DCP2: variants seen among roughly 807,000 people sequenced by gnomAD.
DCP2 encodes the protein decapping mRNA 2.
Under a neutral mutation model 56.1 loss-of-function variants are expected in DCP2, and 30 were observed. That is an observed-to-expected ratio of 0.53 (90% CI 0.40 to 0.73). The LOEUF is 0.73. Ranked by LOEUF, DCP2 falls within the 30% of genes least tolerant of loss-of-function variation. The pLI is 0.00. For missense variants in DCP2, 533 were observed against 502.7 expected, an observed-to-expected ratio of 1.06 and a Z score of -0.58; for synonymous variants, 197 against 163.3, an observed-to-expected ratio of 1.21 and a Z score of -1.57.
intron 1 of DCP2, among the ~76,000 whole-genome samples, chr5:112,977,218 C>G (rs1007268632): frequency 1.3e-5 from 2 of 152,190 alleles, no homozygotes; most frequent in African/African-American, 2.4e-5. Flanking sequence ...CCCGGAATTT[C>G]CTCATTTTTT....
rs1397470005 is a variant in DCP2, at chr5:113,021,068, A to G, written c.*7584A>G. The G allele has an allele frequency of 1.3e-5, 2 of 152,186 alleles. No homozygotes were observed. Among genetic ancestry groups the G allele is most frequent in the African/African-American group, 2.4e-5 (1 of 41,442 alleles). 9.4% of individuals were successfully genotyped at this position (152,186 alleles called of 1,614,324 possible). On this transcript the variant is annotated 3_prime_UTR_variant, in exon 11 of 11. Transcript: ENST00000389063. ...TAAAAATGGCAAGTATGAGATGAAC[A>G]TGATAAAAGTATGTTTATATAACAG...
intron 8 of DCP2, among the ~76,000 whole-genome samples, chr5:113,005,322 CACAACAAT>C (rs1561701699): frequency 6.6e-6 from 1 of 152,110 alleles, no homozygotes; most frequent in East Asian, 1.9e-4. Flanking sequence ...TCAACAACAA[CACAACAAT>C]CTAATTTAAA....
chr5:112,983,071 C>G (rs1748085321), intron 1 of DCP2, among the ~76,000 whole-genome samples: 1 of 152,316 alleles, frequency 6.6e-6, no homozygotes. Context: ...AAGGATTTCA[C>G]AGGTCTTAAA....
chr5:112,998,958 A>G (rs902470960), intron 4 of DCP2, among the ~76,000 whole-genome samples: 2 of 152,232 alleles, frequency 1.3e-5, no homozygotes, highest in African/African-American at 4.8e-5. Flanking sequence ...ATTGCCCATT[A>G]TGATTCAGCA....
chr5:113,001,166 C>G lies in DCP2; in HGVS notation c.515C>G (p.Ala172Gly), dbSNP rs1202008678. The change falls in exon 5 of 11, where the codon GCT (alanine) becomes GGT (glycine). Residue 172 changes from alanine (A) to glycine (G), a missense_variant. Ala to Gly is a moderately conservative substitution (Grantham distance 60). Coordinates refer to ENST00000389063, the MANE Select transcript of DCP2 (RefSeq NM_152624.6). ...YIELRINDQL[A>G]RLYIIPGIPK... ...GAACTTCGAATCAATGACCAGCTTG[C>G]TCGTTTGTACATCATTCCAGGAATT... The G allele has an allele frequency of 2.5e-6, 4 of 1,613,848 alleles. No homozygotes were observed. The highest frequency in any genetic ancestry group is 2.5e-6 in the Non-Finnish European group (3 of 1,179,920).
intron 7 of DCP2, among the ~76,000 whole-genome samples, chr5:113,002,479 C>T (rs1056671099): frequency 2.0e-5 from 3 of 151,730 alleles, no homozygotes; most frequent in African/African-American, 4.8e-5. Context: ...TGACTACTAC[C>T]TGGACATAAA....
intron 4 of DCP2, among the ~76,000 whole-genome samples, chr5:112,998,411 C>T (rs1430620078): frequency 6.6e-6 from 1 of 152,226 alleles, no homozygotes; most frequent in African/African-American, 2.4e-5. Flanking sequence ...TCCCCCAACT[C>T]TCAAAGACGT....
chr5:112,978,898 T>C (rs1220478988), intron 1 of DCP2, among the ~76,000 whole-genome samples: 1 of 152,196 alleles, frequency 6.6e-6, no homozygotes, highest in Non-Finnish European at 1.5e-5. Flanking sequence ...AGAGTTGATT[T>C]AGAAAAAGAT....
rs373857963 is a variant in DCP2, at chr5:113,014,570, A to G, written c.*1086A>G. Reference sequence around the variant, plus strand: ...TATGTGTTACATAACAGTAACATACATAACTCACTCCTAGGAATGTATTTT... The same window carrying G: ...TATGTGTTACATAACAGTAACATACGTAACTCACTCCTAGGAATGTATTTT... On this transcript the variant is annotated 3_prime_UTR_variant, in exon 11 of 11. Transcript: ENST00000389063. 2 of 152,788 alleles carry G rather than the reference A, an allele frequency of 1.3e-5. No homozygotes were observed. The highest frequency in any genetic ancestry group is 1.9e-4 in the East Asian group (1 of 5,188). 9.5% of individuals were successfully genotyped at this position (152,788 alleles called of 1,614,324 possible).
chr5:112,981,797 A>C (rs555093996), intron 1 of DCP2, among the ~76,000 whole-genome samples: 8 of 152,024 alleles, frequency 5.3e-5, no homozygotes, highest in African/African-American at 1.5e-4. Flanking sequence ...TTTGAGACGG[A>C]GTCTTGCTCG....
chr5:113,000,346 G>T (rs908182709), intron 4 of DCP2, among the ~76,000 whole-genome samples: 27 of 151,286 alleles, frequency 1.8e-4, no homozygotes, highest in African/African-American at 6.3e-4. Context: ...GAGATTGCAG[G>T]TGTGAGCCAC....
chr5:112,996,296 G>T (rs1748845887), intron 4 of DCP2, among the ~76,000 whole-genome samples: 1 of 152,150 alleles, frequency 6.6e-6, no homozygotes, highest in African/African-American at 2.4e-5. Flanking sequence ...ATTCTTCATA[G>T]TTTATTAATG....
intron 1 of DCP2, among the ~76,000 whole-genome samples, chr5:112,978,012 C>T (rs1053901863): frequency 7.9e-5 from 12 of 151,816 alleles, no homozygotes; most frequent in African/African-American, 2.9e-4. Flanking sequence ...GAGCCTCTTT[C>T]TTTTGCCCAG....
Position 113,013,730 on chromosome 5 carries a change from C to T in DCP2, c.*246C>T, listed in dbSNP as rs1160669473. 7.8e-6 allele frequency: 3 copies of T among 386,080 alleles called. No individual in the cohort carries two copies. Among genetic ancestry groups the T allele is most frequent in the Admixed American group, 4.2e-5 (1 of 23,944 alleles). The allele number at this position is 386,080 out of a possible 1,614,324, so 23.9% of individuals were successfully genotyped here. ...AAGTTTAAGTTGCTTTCTTTGAGGGCATTTATTCTGTGTGACTGTGGGTTT... is the reference window on the plus strand; with the variant it reads ...AAGTTTAAGTTGCTTTCTTTGAGGGTATTTATTCTGTGTGACTGTGGGTTT... On this transcript the variant is annotated 3_prime_UTR_variant, in exon 11 of 11. Coordinates refer to ENST00000389063, the MANE Select transcript of DCP2 (RefSeq NM_152624.6).
intron 10 of DCP2, among the ~76,000 whole-genome samples, chr5:113,012,570 A>C (rs887053183): frequency 6.7e-6 from 1 of 149,372 alleles, no homozygotes; most frequent in Non-Finnish European, 1.5e-5. Flanking sequence ...AGGAGGGGGG[A>C]AAAAATCCCA....
chr5:113,004,114 A>G (rs62364373), intron 8 of DCP2, 37 bp downstream of exon 8: 41,190 of 1,594,088 alleles, frequency 0.026, 665 homozygotes, highest in Non-Finnish European at 0.031. Flanking sequence ...TCAGAAATTT[A>G]GATCATTTGG....
In DCP2 at chr5:113,004,032, G is replaced by A; in HGVS notation, c.897G>A (p.Lys299=). The stretch of plus-strand genomic sequence containing the variant: ...AGCACAGGCAACCACTGCAGCAAAA[G>A]CCATATAATAATCATTCTGAAATGT... ...WVKHRQPLQQ[K]PYNNHSEMSD... The change falls in exon 8 of 11, where the codon AAG becomes AAA. Residue 299 remains lysine (K), a synonymous_variant. Transcript: ENST00000389063. The A allele has an allele frequency of 3.1e-6, 5 of 1,614,074 alleles. No homozygotes were observed. The highest frequency in any genetic ancestry group is 2.2e-5 in the South Asian group (2 of 91,074).
chr5:112,988,336 C>T (rs1282588930), intron 2 of DCP2, among the ~76,000 whole-genome samples: 2 of 138,912 alleles, frequency 1.4e-5, no homozygotes, highest in Non-Finnish European at 3.2e-5. Flanking sequence ...AAAAAAAATA[C>T]AAAAAATTAG....
intron 1 of DCP2, among the ~76,000 whole-genome samples, chr5:112,978,461 T>A (rs1747832976): frequency 6.6e-6 from 1 of 152,200 alleles, no homozygotes; most frequent in African/African-American, 2.4e-5. Flanking sequence ...TCACACCTAT[T>A]CCTTTTTCTT....
Sources: allele counts gnomAD v4.1 joint callset (sites outside exome capture counted in the v4.1 genomes callset), GRCh38; gene constraint gnomAD v4.1.1; transcripts MANE v1.5; gene names NCBI Gene and HGNC (gene_info 2026-07-23, HGNC 2026-07-21).